The following DNAJC3 variants were observed in gnomAD, a reference collection of about 807,000 sequenced individuals.
The protein encoded by DNAJC3 is DnaJ heat shock protein family (Hsp40) member C3, also known as dnaJ homolog subfamily C member 3.
In DNAJC3, 38 loss-of-function variants were observed where a neutral mutation model predicts 68.6. That is an observed-to-expected ratio of 0.55 (90% CI 0.43 to 0.73). DNAJC3 has a LOEUF of 0.73. Among genes scored for constraint, DNAJC3 ranks in the 30% least tolerant of loss-of-function variants. The pLI is 0.00. For missense variants in DNAJC3, 526 were observed against 591.9 expected (o/e 0.89, Z 1.16); for synonymous variants, 203 against 204.0 (o/e 1.00, Z 0.04).
intron 5 of DNAJC3, 94 bp downstream of exon 5, chr13:95,757,890 CAGG>C: frequency 7.5e-7 from 1 of 1,327,072 alleles, no homozygotes; most frequent in Non-Finnish European, 1.0e-6. Context: ...AAGACCTAGA[CAGG>C]AGAAAATCAG....
intron 1 of DNAJC3, among the ~76,000 whole-genome samples, chr13:95,686,997 A>G (rs1593950073): frequency 6.6e-6 from 1 of 152,162 alleles, no homozygotes; most frequent in Admixed American, 6.5e-5. Flanking sequence ...ATAGTCTCCA[A>G]ATCCATGAGC....
chr13:95,765,411 A>T (rs932440587), intron 9 of DNAJC3, among the ~76,000 whole-genome samples: 10 of 128,426 alleles, frequency 7.8e-5, no homozygotes, highest in Non-Finnish European at 1.6e-5. Flanking sequence ...TTAGCTGTTA[A>T]AAAAAAAAAA....
chr13:95,680,232 A>T (rs1002852874), intron 1 of DNAJC3, among the ~76,000 whole-genome samples: 2 of 152,188 alleles, frequency 1.3e-5, no homozygotes, highest in African/African-American at 2.4e-5. Flanking sequence ...TTCTCTTATC[A>T]TAGTTTTATC....
At chr13:95,780,636 TTGTTTCTTTTGTGTGATA>T (rs140051600) in intron 9 of DNAJC3, among the ~76,000 whole-genome samples, 1,938 of 152,310 alleles carry the variant, frequency 0.013, 50 homozygotes, top group African/African-American at 0.042. Flanking sequence ...TCTGTTTACC[TTGTTTCTTTTGTGTGATA>T]TGTTTCTTTT....
chr13:95,739,376 G>C (rs1372910804), intron 4 of DNAJC3, among the ~76,000 whole-genome samples: 3 of 150,984 alleles, frequency 2.0e-5, no homozygotes, highest in Non-Finnish European at 4.4e-5. Flanking sequence ...GGCCTGCCTT[G>C]CTAGATTGGG....
intron 1 of DNAJC3, chr13:95,693,197 A>C (rs1375147367): frequency 6.6e-6 from 1 of 152,236 alleles, no homozygotes; most frequent in Non-Finnish European, 1.5e-5. Context: ...TGAACAAGAT[A>C]TTCTAAAAAT....
At chr13:95,715,688 A>G (rs1331705328) in intron 2 of DNAJC3, among the ~76,000 whole-genome samples, 1 of 150,782 alleles carries the variant, frequency 6.6e-6, no homozygotes, top group African/African-American at 2.4e-5. Flanking sequence ...GGGTTTCACC[A>G]TGTTGGCGAG....
intron 4 of DNAJC3, among the ~76,000 whole-genome samples, chr13:95,754,931 C>T (rs943419266): frequency 1.3e-5 from 2 of 151,952 alleles, no homozygotes; most frequent in African/African-American, 4.8e-5. Flanking sequence ...GCTCAGTGAC[C>T]AGGATACATA....
chr13:95,707,766 G>A (rs1880803096), intron 1 of DNAJC3, among the ~76,000 whole-genome samples: 1 of 152,188 alleles, frequency 6.6e-6, no homozygotes. Context: ...CTAGGACTAA[G>A]AGCCTCAAGG....
intron 2 of DNAJC3, among the ~76,000 whole-genome samples, chr13:95,718,223 T>C (rs1027291058): frequency 6.6e-6 from 1 of 152,242 alleles, no homozygotes; most frequent in African/African-American, 2.4e-5. Context: ...AAAATACTTA[T>C]TTTCAAGGTT....
At chr13:95,752,951 C>T (rs1882526113) in intron 4 of DNAJC3, among the ~76,000 whole-genome samples, 1 of 152,210 alleles carries the variant, frequency 6.6e-6, no homozygotes, top group Non-Finnish European at 1.5e-5. Context: ...TATGCCACTT[C>T]TTCAACACTT....
chr13:95,745,167 A>G (rs1026935514), intron 4 of DNAJC3: 3 of 152,224 alleles, frequency 2.0e-5, no homozygotes, highest in African/African-American at 7.2e-5. Context: ...TAATAATGTC[A>G]ATTAAATGGC....
chr13:95,692,829 T>C (rs2139607500), intron 1 of DNAJC3: 1 of 152,136 alleles, frequency 6.6e-6, no homozygotes, highest in Non-Finnish European at 1.5e-5. Context: ...ATGCCTTTTT[T>C]TTTTTTTTTG....
At chr13:95,727,657 A>G (rs1881575268) in intron 4 of DNAJC3, among the ~76,000 whole-genome samples, 1 of 152,176 alleles carries the variant, frequency 6.6e-6, no homozygotes, top group Non-Finnish European at 1.5e-5. Flanking sequence ...GTACCTATGA[A>G]TTTATCCGTA....
At chr13:95,773,229 T>C (rs1255118850) in intron 9 of DNAJC3, among the ~76,000 whole-genome samples, 1 of 150,744 alleles carries the variant, frequency 6.6e-6, no homozygotes, top group Admixed American at 6.7e-5. Flanking sequence ...TGGAATGTAG[T>C]GGCACAATTA....
At chr13:95,715,676 C>T (rs1489091269) in intron 2 of DNAJC3, among the ~76,000 whole-genome samples, 2 of 151,048 alleles carry the variant, frequency 1.3e-5, no homozygotes, top group African/African-American at 4.9e-5. Context: ...TTAGTAGAGA[C>T]GGGGTTTCAC....
At chr13:95,710,086 A>G (rs532781747) in intron 2 of DNAJC3, among the ~76,000 whole-genome samples, 2 of 152,252 alleles carry the variant, frequency 1.3e-5, no homozygotes, top group Middle Eastern at 6.8e-3. Context: ...CTCTTCATTT[A>G]TACTGTTGCT....
intron 4 of DNAJC3, among the ~76,000 whole-genome samples, chr13:95,735,065 G>T (rs1188119069): frequency 6.6e-6 from 1 of 150,536 alleles, no homozygotes; most frequent in African/African-American, 2.5e-5. Context: ...GTGAGAACAT[G>T]CAGTGTTTTG....
At chr13:95,719,793 G>A (rs1443195823) in intron 2 of DNAJC3, among the ~76,000 whole-genome samples, 1 of 152,128 alleles carries the variant, frequency 6.6e-6, no homozygotes, top group Admixed American at 6.6e-5. Context: ...ATTGTATGTA[G>A]ACAATTTTTG....
Sources: allele counts gnomAD v4.1 joint callset (sites outside exome capture counted in the v4.1 genomes callset), GRCh38; gene constraint gnomAD v4.1.1; transcripts MANE v1.5; gene names NCBI Gene and HGNC (gene_info 2026-07-23, HGNC 2026-07-21).